TAFA2: variants seen among roughly 807,000 people sequenced by gnomAD.
TAFA2 encodes TAFA chemokine like family member 2, also known as chemokine-like protein TAFA-2.
TAFA2 carries 7 observed loss-of-function variants against 18.8 expected under a neutral mutation model. The observed-to-expected ratio is 0.37, with a 90% CI of 0.21 to 0.70. The LOEUF (loss-of-function observed/expected upper bound fraction) is 0.70, where lower values mean the gene tolerates loss of function less well. Among genes scored for constraint, TAFA2 ranks in the 30% least tolerant of loss-of-function variants. The pLI is 0.53. For synonymous variants in TAFA2, 60 were observed against 54.2 expected (o/e 1.11, Z -0.47); for missense variants, 122 against 158.1 (o/e 0.77, Z 1.23).
intron 1 of TAFA2, among the ~76,000 whole-genome samples, chr12:61,943,503 A>G (rs1878128107): frequency 6.9e-6 from 1 of 144,054 alleles, no homozygotes; most frequent in African/African-American, 2.6e-5. Context: ...AAAGACACAG[A>G]CTGGCAAGTT....
At chr12:62,246,924 G>A (rs1197114663) in intron 1 of TAFA2, among the ~76,000 whole-genome samples, 1 of 145,888 alleles carries the variant, frequency 6.9e-6, no homozygotes, top group African/African-American at 2.4e-5. Flanking sequence ...AGGCTGTTTT[G>A]TTTTGTTTTT....
At chr12:61,745,874 G>A (rs1269994078) in intron 4 of TAFA2, among the ~76,000 whole-genome samples, 2 of 152,062 alleles carry the variant, frequency 1.3e-5, no homozygotes, top group Non-Finnish European at 2.9e-5. Context: ...GAGAAATGCA[G>A]TGGAAGAGGA....
intron 1 of TAFA2, among the ~76,000 whole-genome samples, chr12:62,152,124 A>G (rs147780992): frequency 6.6e-6 from 1 of 152,220 alleles, no homozygotes; most frequent in Non-Finnish European, 1.5e-5. Flanking sequence ...AGTCAACTCT[A>G]TCTAGAGGAG....
At chr12:61,924,498 A>T (rs1227136325) in intron 1 of TAFA2, among the ~76,000 whole-genome samples, 1 of 152,212 alleles carries the variant, frequency 6.6e-6, no homozygotes, top group Non-Finnish European at 1.5e-5. Flanking sequence ...TAAGCTTCAT[A>T]AGCAAAAGAG....
chr12:62,170,704 T>C (rs1261491112), intron 1 of TAFA2, among the ~76,000 whole-genome samples: 2 of 152,330 alleles, frequency 1.3e-5, no homozygotes, highest in East Asian at 3.9e-4. Flanking sequence ...TGTGTCTCTA[T>C]TGTAACCATT....
At chr12:61,910,098 GTT>G (rs1400727399) in intron 1 of TAFA2, among the ~76,000 whole-genome samples, 4 of 83,858 alleles carry the variant, frequency 4.8e-5, no homozygotes, top group East Asian at 4.1e-4. Context: ...GTGTGTGTGT[GTT>G]TGTGTGTGTG....
At chr12:62,138,207 C>T (rs547732951) in intron 1 of TAFA2, among the ~76,000 whole-genome samples, 1 of 152,180 alleles carries the variant, frequency 6.6e-6, no homozygotes, top group African/African-American at 2.4e-5. Flanking sequence ...TGGTTTGAGC[C>T]CAGGAGTTCA....
In TAFA2 at chr12:62,022,790, T is replaced by A. The variant is rs112075838; in HGVS notation, c.-1-155364A>T. On this transcript the variant is annotated intron_variant, in intron 1 of 4. Transcript: ENST00000416284. ...GTTACATAATCACTCGTTTATCCACTCCGATTATTGACTGAGTGTCTATCA... is the reference window on the plus strand; with the variant it reads ...GTTACATAATCACTCGTTTATCCACACCGATTATTGACTGAGTGTCTATCA... Among the ~76,000 whole-genome samples the A allele has an allele frequency of 3.3e-3, 496 of 152,296 alleles. 1 individual carries two copies. The highest frequency in any genetic ancestry group is 0.011 in the African/African-American group (470 of 41,548).
intron 1 of TAFA2, among the ~76,000 whole-genome samples, chr12:61,951,897 A>AG (rs931423800): frequency 1.6e-4 from 25 of 151,810 alleles, no homozygotes; most frequent in African/African-American, 5.8e-4. Flanking sequence ...TAATTAAAAA[A>AG]AAAAGCTAAA....
rs557773053 is a variant in TAFA2, at chr12:61,998,521, G to A, written c.-1-131095C>T. Among the ~76,000 whole-genome samples, 3 of 152,176 alleles carry A rather than the reference G, an allele frequency of 2.0e-5. No individual in the cohort carries two copies. In the East Asian group the frequency reaches 5.8e-4, roughly 29 times the overall value. ...AAAGGCCAACATTTCTAACTGATAT[G>A]CATATATAAAAGCATTTAATAGTCA... On this transcript the variant is annotated intron_variant, in intron 1 of 4. Transcript: ENST00000416284.
chr12:62,016,949 A>G, intron 1 of TAFA2, among the ~76,000 whole-genome samples: 1 of 152,262 alleles, frequency 6.6e-6, no homozygotes, highest in African/African-American at 2.4e-5. Flanking sequence ...TGAGCTCTGC[A>G]GTGAGACAGA....
chr12:62,235,481 T>C, intron 1 of TAFA2: 1 of 600,232 alleles, frequency 1.7e-6, no homozygotes, highest in South Asian at 1.9e-5. Flanking sequence ...CTTCCCAGCT[T>C]CCTGCTCCTT....
At chr12:61,882,722 T>G (rs17605233) in intron 1 of TAFA2, among the ~76,000 whole-genome samples, 5,037 of 152,212 alleles carry the variant, frequency 0.033, 218 homozygotes, top group East Asian at 0.22. Flanking sequence ...TCCTTGTGAA[T>G]ACTCTATGCT....
intron 1 of TAFA2, among the ~76,000 whole-genome samples, chr12:62,148,694 A>C (rs2062304996): frequency 6.6e-6 from 1 of 152,220 alleles, no homozygotes; most frequent in Non-Finnish European, 1.5e-5. Flanking sequence ...CTGGATCTAA[A>C]ATTAAATAAA....
intron 1 of TAFA2, among the ~76,000 whole-genome samples, chr12:61,980,378 T>C (rs1409804964): frequency 6.6e-6 from 1 of 152,144 alleles, no homozygotes; most frequent in Non-Finnish European, 1.5e-5. Flanking sequence ...ACTGGAAGTA[T>C]ACCCTTTGAA....
chr12:62,202,980 A>C (rs1350718951), intron 1 of TAFA2, among the ~76,000 whole-genome samples: 3 of 151,840 alleles, frequency 2.0e-5, no homozygotes, highest in Non-Finnish European at 4.4e-5. Flanking sequence ...GCACATGCCA[A>C]CATGCCCAGC....
chr12:61,992,793 G>T (rs1197441958), intron 1 of TAFA2, among the ~76,000 whole-genome samples: 6 of 152,154 alleles, frequency 3.9e-5, no homozygotes, highest in Non-Finnish European at 7.4e-5. Flanking sequence ...CATGAGAGTA[G>T]AAATTTTGGT....
intron 2 of TAFA2, among the ~76,000 whole-genome samples, chr12:61,855,003 C>T (rs1448195750): frequency 6.6e-6 from 1 of 152,104 alleles, no homozygotes; most frequent in Non-Finnish European, 1.5e-5. Flanking sequence ...CAGAGGAAAA[C>T]CAATCCAGAC....
chr12:61,715,641 C>T (rs12424523), intron 4 of TAFA2, among the ~76,000 whole-genome samples: 15,819 of 151,812 alleles, frequency 0.1, 1,104 homozygotes, highest in East Asian at 0.24. Context: ...CATGAGCCAC[C>T]GCGCCCAGCC....
Sources: allele counts gnomAD v4.1 joint callset (sites outside exome capture counted in the v4.1 genomes callset), GRCh38; gene constraint gnomAD v4.1.1; transcripts MANE v1.5; gene names NCBI Gene and HGNC (gene_info 2026-07-23, HGNC 2026-07-21).